The following SDK1 variants were observed in gnomAD, a reference collection of about 807,000 sequenced individuals.
SDK1 encodes sidekick cell adhesion molecule 1, also known as protein sidekick-1.
In SDK1, 157 loss-of-function variants were observed where a neutral mutation model predicts 245.5. That is an observed-to-expected ratio of 0.64 (90% confidence interval 0.56 to 0.73). SDK1 has a LOEUF of 0.73. SDK1 is among the 30% of genes least tolerant of loss of function. SDK1 has a pLI of 0.00. For missense variants in SDK1, 3,583 were observed against 3,002.3 expected (o/e 1.19, Z -4.52); for synonymous variants, 1,647 against 1,278.5 (o/e 1.29, Z -6.15).
At chr7:4,067,962 G>A in intron 20 of SDK1, 26 bp downstream of exon 20, 1 of 1,535,160 alleles carries the variant, frequency 6.5e-7, no homozygotes. Flanking sequence ...CTTCAAAAAA[G>A]GAAAAGATAA....
chr7:3,641,955 C>T lies in SDK1; in HGVS notation c.566-3C>T, dbSNP rs1481509711. ...ACTTGAAAGCACTTCTTTTTCTCTG[C>T]AGATATGGGAAGTTTCATGGATACG... On this transcript the variant is annotated splice_polypyrimidine_tract_variant and splice_region_variant and intron_variant, in intron 3 of 44. Coordinates refer to ENST00000404826, the MANE Select transcript of SDK1 (RefSeq NM_152744.4). The T allele has an allele frequency of 6.2e-7, 1 of 1,609,078 alleles. No homozygotes were observed. Among genetic ancestry groups the T allele is most frequent in the African/African-American group, 1.3e-5 (1 of 74,612 alleles).
At chr7:4,158,419 C>T (rs578075871) in intron 30 of SDK1, 29 bp from the exon 31 acceptor site, 130 of 1,572,858 alleles carry the variant, frequency 8.3e-5, no homozygotes, top group Non-Finnish European at 1.0e-4. Context: ...GGCAGGGCCC[C>T]GGCAGTCACG....
chr7:4,133,303 A>G (rs1352438774), intron 28 of SDK1, among the ~76,000 whole-genome samples: 1 of 152,224 alleles, frequency 6.6e-6, no homozygotes, highest in African/African-American at 2.4e-5. Flanking sequence ...AAAACATCCC[A>G]GTTCCTTGAC....
At chr7:3,312,268 C>G (rs1202453860) in intron 1 of SDK1, among the ~76,000 whole-genome samples, 1 of 152,066 alleles carries the variant, frequency 6.6e-6, no homozygotes, top group African/African-American at 2.4e-5. Flanking sequence ...CTGAAACTGA[C>G]CTGCAGAGCA....
At chr7:4,081,743 G>A (rs1251995791) in intron 22 of SDK1, among the ~76,000 whole-genome samples, 1 of 152,134 alleles carries the variant, frequency 6.6e-6, no homozygotes, top group Non-Finnish European at 1.5e-5. Flanking sequence ...CATTTTTAAT[G>A]TAAAACATCT....
chr7:3,317,060 C>A (rs532470324), intron 1 of SDK1, among the ~76,000 whole-genome samples: 1 of 150,862 alleles, frequency 6.6e-6, no homozygotes, highest in Admixed American at 6.6e-5. Flanking sequence ...GTGCACTTGT[C>A]GTCCCAGCTA....
chr7:3,558,431 T>C (rs1332927504), intron 1 of SDK1, among the ~76,000 whole-genome samples: 1 of 152,232 alleles, frequency 6.6e-6, no homozygotes, highest in Non-Finnish European at 1.5e-5. Context: ...CTGAAGGAAA[T>C]AACTTCTGTA....
chr7:3,680,845 T>G (rs6976669), intron 4 of SDK1, among the ~76,000 whole-genome samples: 130,897 of 152,044 alleles, frequency 0.86, 56,607 homozygotes, highest in African/African-American at 0.93. Context: ...ATTTATTTAT[T>G]TATTTATGTA....
At chr7:3,658,675 G>C (rs1783263130) in intron 4 of SDK1, among the ~76,000 whole-genome samples, 1 of 143,314 alleles carries the variant, frequency 7.0e-6, no homozygotes, top group Non-Finnish European at 1.5e-5. Context: ...GCAGTGGATC[G>C]ATCTCCACTC....
chr7:3,714,041 A>T (rs1346538037), intron 4 of SDK1, among the ~76,000 whole-genome samples: 1 of 152,200 alleles, frequency 6.6e-6, no homozygotes, highest in Admixed American at 6.5e-5. Context: ...TTTGAGAGGC[A>T]GGTGTGCAGA....
At chr7:3,837,313 A>T (rs537602259) in intron 5 of SDK1, among the ~76,000 whole-genome samples, 1 of 152,354 alleles carries the variant, frequency 6.6e-6, no homozygotes, top group South Asian at 2.1e-4. Flanking sequence ...TACATGAGCC[A>T]ATATTTAACA....
At chr7:4,224,218 T>C (rs528451306) in intron 40 of SDK1, among the ~76,000 whole-genome samples, 1 of 152,254 alleles carries the variant, frequency 6.6e-6, no homozygotes, top group African/African-American at 2.4e-5. Flanking sequence ...GAGTAATTTA[T>C]AAAGAAAAAA....
intron 4 of SDK1, among the ~76,000 whole-genome samples, chr7:3,750,954 G>C (rs1779756690): frequency 6.6e-6 from 1 of 152,208 alleles, no homozygotes; most frequent in Admixed American, 6.5e-5. Context: ...TTATGCGACT[G>C]TTTTACCTCC....
intron 5 of SDK1, among the ~76,000 whole-genome samples, chr7:3,906,545 A>T (rs7777325): frequency 0.044 from 6,672 of 149,994 alleles, 512 homozygotes; most frequent in African/African-American, 0.16. Flanking sequence ...GCTGGTTTCA[A>T]TGGTTTAGAG....
intron 1 of SDK1, among the ~76,000 whole-genome samples, chr7:3,523,221 G>A (rs186116338): frequency 6.6e-6 from 1 of 152,290 alleles, no homozygotes; most frequent in African/African-American, 2.4e-5. Context: ...AAGAGCCACT[G>A]CAGAAGCATT....
intron 7 of SDK1, chr7:3,958,397 C>T (rs1475689271): frequency 4.8e-6 from 1 of 209,476 alleles, no homozygotes; most frequent in Non-Finnish European, 9.6e-6. Context: ...TCCTTTGCTA[C>T]TAAAGATAGA....
chr7:3,480,342 C>G (rs1781476722), intron 1 of SDK1, among the ~76,000 whole-genome samples: 1 of 152,150 alleles, frequency 6.6e-6, no homozygotes, highest in Non-Finnish European at 1.5e-5. Context: ...AGAAGGCGCC[C>G]TCGTGCACAT....
At chr7:4,235,803 A>C (rs1036405309) in intron 41 of SDK1, among the ~76,000 whole-genome samples, 1 of 152,182 alleles carries the variant, frequency 6.6e-6, no homozygotes, top group Non-Finnish European at 1.5e-5. Context: ...TCAGTCCTTC[A>C]GGGAAGCCAG....
chr7:3,589,250 CA>C (rs1218384830), intron 1 of SDK1, among the ~76,000 whole-genome samples: 2 of 152,174 alleles, frequency 1.3e-5, no homozygotes, highest in African/African-American at 4.8e-5. Context: ...ACTGATCTCA[CA>C]GGTGGTGTTG....
Sources: gnomAD v4.1 joint callset for allele counts (sites outside exome capture counted in the v4.1 genomes callset) on GRCh38, gnomAD v4.1.1 for gene constraint, MANE v1.5 for transcripts, NCBI Gene and HGNC (gene_info 2026-07-23, HGNC 2026-07-21) for gene names.